ADD1: variants seen among roughly 807,000 people sequenced by gnomAD.
ADD1 encodes the protein adducin 1, also known as alpha-adducin.
ADD1 carries 24 observed loss-of-function variants against 80.5 expected under a neutral mutation model. The ratio of observed to expected loss-of-function variants is 0.30; its 90% CI spans 0.22 to 0.42. The LOEUF is 0.42. ADD1 is among the 10% of genes least tolerant of loss of function. ADD1 has a pLI of 1.00. For synonymous variants in ADD1, 373 were observed against 393.8 expected, an observed-to-expected ratio of 0.95 and a Z score of 0.63; for missense variants, 948 against 1,019.0, an observed-to-expected ratio of 0.93 and a Z score of 0.95.
In ADD1 at chr4:2,904,766, C is replaced by T. The variant is rs1302903531; in HGVS notation, c.1164C>T (p.Gly388=). 2 of 1,612,426 alleles carry T rather than the reference C, an allele frequency of 1.2e-6. No homozygotes were observed. Among genetic ancestry groups the T allele is most frequent in the East Asian group, 2.2e-5 (1 of 44,842 alleles). ...EALMRMLDNL[G]YRTGYPYRYP... is the part of the protein sequence containing the mutation. ...CTTTCACTCTCCTTGGACCCTAGGG[C>T]TACAGAACTGGCTACCCTTATCGAT... Residue 388 remains glycine, a splice_region_variant and synonymous_variant, in exon 10 of 16, where the codon GGC becomes GGT. Coordinates refer to ENST00000683351, the MANE Select transcript of ADD1 (RefSeq NM_001354761.2).
intron 1 of ADD1, among the ~76,000 whole-genome samples, chr4:2,865,459 C>G (rs192735841): frequency 6.6e-6 from 1 of 152,338 alleles, no homozygotes; most frequent in Admixed American, 6.5e-5. Context: ...AGAATAAATA[C>G]GTTTTTCTCA....
chr4:2,884,393 C>T, intron 3 of ADD1, 122 bp from the exon 4 acceptor site: 1 of 646,772 alleles, frequency 1.5e-6, no homozygotes, highest in Admixed American at 3.1e-5. Flanking sequence ...CAGCTGCTAT[C>T]ATAAGCACTA....
rs1712352021 is a variant in ADD1 at position 2,928,463 on chromosome 4, G to A, written c.2340G>A (p.Lys780=). The A allele has an allele frequency of 6.2e-7, 1 of 1,612,634 alleles. No homozygotes were observed. The highest frequency in any genetic ancestry group is 8.5e-7 in the Non-Finnish European group (1 of 1,179,218). ...CTCCAGGCAAGTCCCCGTCCAAAAAGAAGAAGAAGTTCCGTACCCCGTCCT... is the reference window on the plus strand; with the variant it reads ...CTCCAGGCAAGTCCCCGTCCAAAAAAAAGAAGAAGTTCCGTACCCCGTCCT... The part of the protein sequence containing the change: ...DGSPGKSPSK[K]KKKFRTPSFL... Residue 780 remains lysine, a synonymous_variant, in exon 16 of 16, where the codon AAG becomes AAA. Transcript: ENST00000683351.
chr4:2,921,465 C>T (rs539572509), intron 14 of ADD1, among the ~76,000 whole-genome samples: 2 of 152,290 alleles, frequency 1.3e-5, no homozygotes, highest in South Asian at 4.2e-4. Flanking sequence ...ATATTGGCCC[C>T]CACTCTCTTC....
intron 9 of ADD1, 69 bp downstream of exon 9, chr4:2,899,504 G>T (rs750020027): frequency 6.4e-7 from 1 of 1,559,902 alleles, no homozygotes; most frequent in Admixed American, 1.7e-5. Flanking sequence ...TGTTCTTACA[G>T]CAAGTGCGAT....
intron 1 of ADD1, among the ~76,000 whole-genome samples, chr4:2,857,249 T>G (rs901144197): frequency 6.6e-6 from 1 of 152,162 alleles, no homozygotes; most frequent in Non-Finnish European, 1.5e-5. Context: ...AATTCGCAAA[T>G]TCCTCTTTGT....
At chr4:2,848,576 C>T (rs1228176536) in intron 1 of ADD1, among the ~76,000 whole-genome samples, 1 of 152,018 alleles carries the variant, frequency 6.6e-6, no homozygotes, top group Non-Finnish European at 1.5e-5. Flanking sequence ...TTAAGCCATT[C>T]TCCCACCTCT....
At chr4:2,878,090 A>G (rs1298624054) in intron 2 of ADD1, among the ~76,000 whole-genome samples, 2 of 152,220 alleles carry the variant, frequency 1.3e-5, no homozygotes, top group Non-Finnish European at 2.9e-5. Flanking sequence ...TGGGAGTGGC[A>G]GAGTGAGGTT....
At chr4:2,864,751 C>T (rs1729299599) in intron 1 of ADD1, among the ~76,000 whole-genome samples, 1 of 151,678 alleles carries the variant, frequency 6.6e-6, no homozygotes. Flanking sequence ...GCGCTGATGT[C>T]AGCAGGGAAG....
intron 3 of ADD1, among the ~76,000 whole-genome samples, chr4:2,883,150 C>T (rs1345835156): frequency 6.6e-6 from 1 of 152,226 alleles, no homozygotes; most frequent in Non-Finnish European, 1.5e-5. Flanking sequence ...ACATGAGCCA[C>T]CACACCTGGC....
intron 15 of ADD1, among the ~76,000 whole-genome samples, chr4:2,927,208 C>T (rs1223484975): frequency 1.3e-5 from 2 of 152,222 alleles, no homozygotes; most frequent in African/African-American, 4.8e-5. Context: ...CACACCATGC[C>T]CAGCAGAGCG....
At position 2,898,299 on chromosome 4, in the gene ADD1, T is replaced by A; in HGVS notation, c.857T>A (p.Ile286Asn). Reference sequence around the variant, plus strand: ...GTTGATGAAGAGGAAAAAGTTTTGATTCAGAAAAATCTGGGGCCTAAAAGC... The same window carrying A: ...GTTGATGAAGAGGAAAAAGTTTTGAATCAGAAAAATCTGGGGCCTAAAAGC... The part of the protein sequence containing the change: ...ILVDEEEKVL[I>N]QKNLGPKSKV... Residue 286 changes from isoleucine (I) to asparagine (N), a missense_variant, in exon 7 of 16, where the codon ATT (isoleucine) becomes AAT (asparagine). Ile to Asn is a moderately radical substitution (Grantham distance 149). Coordinates refer to ENST00000683351, the MANE Select transcript of ADD1 (RefSeq NM_001354761.2). 1 of 1,614,206 alleles carries A rather than the reference T, an allele frequency of 6.2e-7. No homozygotes were observed. The highest frequency in any genetic ancestry group is 8.5e-7 in the Non-Finnish European group (1 of 1,180,034).
intron 13 of ADD1, 70 bp downstream of exon 13, chr4:2,909,501 C>A: frequency 9.2e-7 from 1 of 1,082,392 alleles, no homozygotes. Context: ...TCCCCGTCTC[C>A]TCTCTTCAGG....
intron 1 of ADD1, among the ~76,000 whole-genome samples, chr4:2,866,333 A>AT (rs1378861939): frequency 1.3e-5 from 2 of 151,998 alleles, no homozygotes; most frequent in Non-Finnish European, 2.9e-5. Context: ...CACCCAGCTA[A>AT]TTTTTTGTGT....
intron 10 of ADD1, chr4:2,907,108 G>A (rs573206909): frequency 2.0e-5 from 3 of 152,222 alleles, no homozygotes; most frequent in South Asian, 2.1e-4. Context: ...GTTTGTTTGG[G>A]ATATTTTTGT....
Position 2,926,065 on chromosome 4 carries a change from C to T in ADD1, c.2000C>T (p.Pro667Leu). The part of the protein sequence containing the change: ...EQKEKSPPDQ[P>L]AVPHPPPSTP... Reference sequence around the variant, plus strand: ...AAAGAAAAGAGTCCTCCAGACCAGCCTGCGGTCCCCCACCCGCCTCCCAGC... The same window carrying T: ...AAAGAAAAGAGTCCTCCAGACCAGCTTGCGGTCCCCCACCCGCCTCCCAGC... Residue 667 changes from proline to leucine, a missense_variant, in exon 15 of 16, where the codon CCT (proline) becomes CTT (leucine). By Grantham distance (98) the Pro-to-Leu change is moderately conservative. Coordinates refer to ENST00000683351, the MANE Select transcript of ADD1 (RefSeq NM_001354761.2). This position sits in a 1 kb window ranked among gnomAD's most constrained non-coding sequence, Gnocchi z 5.0. 1 of 1,614,174 alleles carries T rather than the reference C, an allele frequency of 6.2e-7. No individual in the cohort carries two copies. Among genetic ancestry groups the T allele is most frequent in the Non-Finnish European group, 8.5e-7 (1 of 1,180,024 alleles).
intron 1 of ADD1, among the ~76,000 whole-genome samples, chr4:2,859,634 A>G (rs1006158254): frequency 1.2e-4 from 18 of 152,374 alleles, no homozygotes; most frequent in Non-Finnish European, 1.5e-4. Context: ...GACATTTCCC[A>G]TCTACCAAAA....
intron 13 of ADD1, among the ~76,000 whole-genome samples, chr4:2,911,448 A>ATATATATATATATATATATATTTTTTT (rs553567632): frequency 2.0e-4 from 26 of 130,468 alleles, no homozygotes; most frequent in African/African-American, 7.1e-4. Context: ...ATATATATAT[A>ATATATATATATATATATATATTTTTTT]TTTTTTTTTT....
At chr4:2,846,828 A>G (rs541375803) in intron 1 of ADD1, among the ~76,000 whole-genome samples, 1 of 151,494 alleles carries the variant, frequency 6.6e-6, no homozygotes, top group Non-Finnish European at 1.5e-5. Flanking sequence ...AAAAAAAAAA[A>G]AAAAAAAAGC....
Sources: gnomAD v4.1 joint callset for allele counts (sites outside exome capture counted in the v4.1 genomes callset) on GRCh38, gnomAD v4.1.1 for gene constraint, Gnocchi (gnomAD v3.1) non-coding constraint, MANE v1.5 for transcripts, NCBI Gene and HGNC (gene_info 2026-07-23, HGNC 2026-07-21) for gene names.